The following CSNK2A2 variants were observed in gnomAD, a reference collection of about 807,000 sequenced individuals.
CSNK2A2 encodes the protein casein kinase II subunit alpha'.
Under a neutral mutation model 54.0 loss-of-function variants are expected in CSNK2A2, and 8 were observed. The ratio of observed to expected loss-of-function variants is 0.15; its 90% CI spans 0.09 to 0.27. The LOEUF (loss-of-function observed/expected upper bound fraction) is 0.27. CSNK2A2 is among the 10% of genes least tolerant of loss of function. CSNK2A2 has a pLI of 1.00. For synonymous variants in CSNK2A2, 141 were observed against 153.9 expected (o/e 0.92, Z 0.62); for missense variants, 242 against 439.4 (o/e 0.55, Z 4.02).
chr16:58,182,527 C>T (rs1362284905), intron 4 of CSNK2A2, among the ~76,000 whole-genome samples: 1 of 147,148 alleles, frequency 6.8e-6, no homozygotes, highest in Non-Finnish European at 1.5e-5. Context: ...TGCACTCCAG[C>T]CTAGGCGACA....
chr16:58,184,420 A>G, intron 3 of CSNK2A2, 110 bp from the exon 4 acceptor site: 1 of 696,748 alleles, frequency 1.4e-6, no homozygotes, highest in East Asian at 2.8e-5. Context: ...ACAGGGATTC[A>G]CTCATCAGGG....
At chr16:58,195,800 A>G (rs947435050) in intron 2 of CSNK2A2, among the ~76,000 whole-genome samples, 1 of 152,230 alleles carries the variant, frequency 6.6e-6, no homozygotes, top group African/African-American at 2.4e-5. Context: ...GCTAAACCAT[A>G]TATTAAGATA....
intron 2 of CSNK2A2, among the ~76,000 whole-genome samples, chr16:58,195,152 GCTTT>G (rs1962403436): frequency 6.6e-6 from 1 of 150,524 alleles, no homozygotes; most frequent in Non-Finnish European, 1.5e-5. Flanking sequence ...CTAATGTATG[GCTTT>G]CTAAGGTAAT....
chr16:58,163,793 C>T (rs772552900), intron 11 of CSNK2A2: 29 of 294,198 alleles, frequency 9.9e-5, no homozygotes, highest in Non-Finnish European at 1.5e-4. Context: ...ACAACAACTC[C>T]GAGTCTCTAT....
In CSNK2A2 at chr16:58,167,285, C is replaced by G; in HGVS notation, c.648G>C (p.Met216Ile). 1 of 1,613,442 alleles carries G rather than the reference C, an allele frequency of 6.2e-7. No individual in the cohort carries two copies. Among genetic ancestry groups the G allele is most frequent in the East Asian group, 2.2e-5 (1 of 44,842 alleles). Residue 216 changes from methionine to isoleucine, a missense_variant, in exon 8 of 12, where the codon ATG (methionine) becomes ATC (isoleucine). By Grantham distance (10) the Met-to-Ile change is conservative. Coordinates refer to ENST00000262506, the MANE Select transcript of CSNK2A2 (RefSeq NM_001896.4). ...TTGCTAACATACAGCCCAAACTCCA[C>G]ATGTCCAAGCTATAATCATACATCT... ...DYQMYDYSLD[M>I]WSLGCMLASM...
chr16:58,161,526 G>GACACAC (rs1164766819), intron 11 of CSNK2A2: 1 of 107,500 alleles, frequency 9.3e-6, no homozygotes, highest in African/African-American at 6.8e-5. Context: ...TAGACACACA[G>GACACAC]ACACACACAC....
chr16:58,169,589 A>G (rs1389756115), intron 5 of CSNK2A2, among the ~76,000 whole-genome samples: 3 of 152,102 alleles, frequency 2.0e-5, no homozygotes, highest in African/African-American at 7.2e-5. Context: ...GTCACCTCTC[A>G]TAATGGTTCA....
At chr16:58,168,378 G>C (rs1205318212) in intron 6 of CSNK2A2, among the ~76,000 whole-genome samples, 1 of 152,124 alleles carries the variant, frequency 6.6e-6, no homozygotes, top group Non-Finnish European at 1.5e-5. Flanking sequence ...AGAAAACTAT[G>C]ACCAAAATAA....
chr16:58,162,793 C>G (rs1309110116), intron 11 of CSNK2A2: 1 of 152,126 alleles, frequency 6.6e-6, no homozygotes, highest in Admixed American at 6.5e-5. Context: ...TAAACAAACT[C>G]TAGCTTTCTC....
At chr16:58,181,185 T>C (rs183174254) in intron 4 of CSNK2A2, among the ~76,000 whole-genome samples, 4 of 152,144 alleles carry the variant, frequency 2.6e-5, no homozygotes, top group African/African-American at 7.2e-5. Flanking sequence ...ACTAAGAAGA[T>C]AGGAGAAACA....
chr16:58,158,767 G>T (rs1417458835), intron 11 of CSNK2A2: 2 of 152,200 alleles, frequency 1.3e-5, no homozygotes, highest in Admixed American at 1.3e-4. Context: ...AGGTGTCTTA[G>T]GACTAAGACG....
In CSNK2A2 at chr16:58,158,088, C is replaced by G. The variant is rs927709441; in HGVS notation, c.*283G>C. The G allele has an allele frequency of 6.6e-6, 1 of 152,576 alleles. No individual in the cohort carries two copies. The highest frequency in any genetic ancestry group is 1.5e-5 in the Non-Finnish European group (1 of 68,032). 9.5% of individuals were successfully genotyped at this position (152,576 alleles called of 1,614,324 possible). On this transcript the variant is annotated 3_prime_UTR_variant, in exon 12 of 12. Coordinates refer to ENST00000262506, the MANE Select transcript of CSNK2A2 (RefSeq NM_001896.4). ...GAGGGGCTCGGGGAGCAACAGTAACCAACAACATTCTGCATACCCTTCACA... is the reference window on the plus strand; with the variant it reads ...GAGGGGCTCGGGGAGCAACAGTAACGAACAACATTCTGCATACCCTTCACA...
intron 5 of CSNK2A2, among the ~76,000 whole-genome samples, chr16:58,170,906 A>C (rs1414302750): frequency 6.6e-6 from 1 of 152,116 alleles, no homozygotes; most frequent in Non-Finnish European, 1.5e-5. Context: ...CTTCAAATTC[A>C]GGACCTTTGG....
intron 11 of CSNK2A2, chr16:58,161,230 C>G (rs1470524097): frequency 6.6e-6 from 1 of 152,202 alleles, no homozygotes; most frequent in Non-Finnish European, 1.5e-5. Context: ...TTGTAGCCAA[C>G]AAATGATATA....
intron 5 of CSNK2A2, among the ~76,000 whole-genome samples, chr16:58,169,161 C>T (rs1160700296): frequency 6.6e-6 from 1 of 151,988 alleles, no homozygotes; most frequent in African/African-American, 2.4e-5. Context: ...CTCCTGACCT[C>T]GTGATCCGCC....
intron 4 of CSNK2A2, among the ~76,000 whole-genome samples, chr16:58,175,198 T>C (rs1567467636): frequency 6.6e-6 from 1 of 152,216 alleles, no homozygotes; most frequent in Non-Finnish European, 1.5e-5. Context: ...GTTTTCATTA[T>C]TGGTAATCCA....
intron 2 of CSNK2A2, among the ~76,000 whole-genome samples, chr16:58,191,642 C>T (rs1345612051): frequency 3.9e-5 from 6 of 152,098 alleles, no homozygotes; most frequent in Admixed American, 2.0e-4. Context: ...GGATTACAGG[C>T]GTGAGGCACC....
At chr16:58,195,274 C>T (rs1158421711) in intron 2 of CSNK2A2, among the ~76,000 whole-genome samples, 6 of 151,998 alleles carry the variant, frequency 3.9e-5, no homozygotes, top group Non-Finnish European at 7.3e-5. Flanking sequence ...CAGTTCCTCA[C>T]TTCTCAGCCC....
At chr16:58,176,873 T>C (rs927518077) in intron 4 of CSNK2A2, among the ~76,000 whole-genome samples, 2 of 152,198 alleles carry the variant, frequency 1.3e-5, no homozygotes, top group South Asian at 2.1e-4. Flanking sequence ...TCAAGGTGAC[T>C]CCTCACTCTG....
Sources: gnomAD v4.1 joint callset for allele counts (sites outside exome capture counted in the v4.1 genomes callset) on GRCh38, gnomAD v4.1.1 for gene constraint, MANE v1.5 for transcripts, NCBI Gene and HGNC (gene_info 2026-07-23, HGNC 2026-07-21) for gene names.